Variants in INSR observed in about 807,000 individuals in gnomAD.
INSR encodes insulin receptor, also known as IR.
A neutral mutation model predicts 142.6 loss-of-function variants in INSR; 67 were observed. The ratio of observed to expected loss-of-function variants is 0.47; its 90% CI spans 0.39 to 0.58. The LOEUF is 0.58. Ranked by LOEUF, INSR falls within the 20% of genes least tolerant of loss-of-function variation. INSR has a pLI of 0.00. For synonymous variants in INSR, 756 were observed against 743.1 expected, an observed-to-expected ratio of 1.02 and a Z score of -0.28; for missense variants, 1,248 against 1,833.2, an observed-to-expected ratio of 0.68 and a Z score of 5.83.
At chr19:7,279,412 A>G (rs369902187) in intron 1 of INSR, among the ~76,000 whole-genome samples, 2 of 151,562 alleles carry the variant, frequency 1.3e-5, no homozygotes, top group Admixed American at 1.3e-4. Context: ...AGTTTGTGTG[A>G]ACAGGACTTC....
At chr19:7,238,305 CT>C (rs1472648246) in intron 2 of INSR, among the ~76,000 whole-genome samples, 5 of 152,072 alleles carry the variant, frequency 3.3e-5, no homozygotes, top group Non-Finnish European at 5.9e-5. Flanking sequence ...AGGAGATGGA[CT>C]TTCCATTGAT....
intron 9 of INSR, among the ~76,000 whole-genome samples, chr19:7,158,004 G>GA (rs943405253): frequency 1.1e-4 from 17 of 148,048 alleles, no homozygotes; most frequent in East Asian, 7.9e-4. Context: ...ATTACAGATG[G>GA]AAAAAAAAAT....
Position 7,253,111 on chromosome 19 carries a change from C to CAAAA in INSR, c.652+14230_652+14233dup, listed in dbSNP as rs534566042. On this transcript the variant is annotated intron_variant, in intron 2 of 21. Coordinates refer to ENST00000302850, the MANE Select transcript of INSR (RefSeq NM_000208.4). ...GCCTGGTGACAGAGTGAGACTCCGC[C>CAAAA]AAAAAAAAAAAATAGAAGAAGCCAC... Among the ~76,000 whole-genome samples the CAAAA allele has an allele frequency of 2.1e-3, 290 of 136,816 alleles. 2 individuals are homozygous for CAAAA. The East Asian group carries it at 0.044, about 21-fold the overall frequency. 89.8% of individuals were successfully genotyped at this position (136,816 alleles called of 152,430 possible). A position where few individuals can be genotyped will look rare whatever the true frequency, so the allele number is the denominator to read the frequency against.
intron 2 of INSR, among the ~76,000 whole-genome samples, chr19:7,254,427 G>A (rs962332781): frequency 1.2e-4 from 19 of 152,150 alleles, no homozygotes; most frequent in Admixed American, 9.2e-4. Context: ...TACTGGCCAG[G>A]CTGAGGCTGG....
chr19:7,249,947 G>A (rs761984044), intron 2 of INSR, among the ~76,000 whole-genome samples: 84 of 151,700 alleles, frequency 5.5e-4, no homozygotes, highest in Admixed American at 1.2e-3. Flanking sequence ...AGCTGAGATC[G>A]CACCACTGCA....
intron 2 of INSR, among the ~76,000 whole-genome samples, chr19:7,189,688 G>A (rs990381677): frequency 1.4e-5 from 2 of 145,180 alleles, no homozygotes; most frequent in Non-Finnish European, 3.0e-5. Context: ...TTTTGAAACC[G>A]AGTCTTGCTC....
intron 17 of INSR, among the ~76,000 whole-genome samples, chr19:7,124,389 A>G (rs1269274929): frequency 7.1e-6 from 1 of 141,774 alleles, no homozygotes; most frequent in Non-Finnish European, 1.5e-5. Flanking sequence ...AAAAAAAACA[A>G]TCAGCCAGGC....
In INSR at chr19:7,154,903, G is replaced by A. The variant is rs114212608; in HGVS notation, c.2030-1976C>T. On this transcript the variant is annotated intron_variant, in intron 9 of 21. Transcript: ENST00000302850. ...TGAGCCATTGCACTCCAGCCTAGGC[G>A]ACAACAGCGAGACTCTGTCTCAAAA... Among the ~76,000 whole-genome samples, 1,264 of 152,014 alleles carry A rather than the reference G, an allele frequency of 8.3e-3. 16 individuals are homozygous for A. Among genetic ancestry groups the A allele is most frequent in the African/African-American group, 0.028 (1,143 of 41,496 alleles).
chr19:7,195,931 C>CTTTTTTTTTT (rs903162924), intron 2 of INSR, among the ~76,000 whole-genome samples: 2 of 54,776 alleles, frequency 3.7e-5, no homozygotes, highest in African/African-American at 1.1e-4. Flanking sequence ...TCTTTTCTTT[C>CTTTTTTTTTT]TTTTTTTTTT....
intron 9 of INSR, among the ~76,000 whole-genome samples, chr19:7,153,995 T>C (rs138709925): frequency 6.6e-5 from 10 of 152,078 alleles, no homozygotes; most frequent in African/African-American, 2.4e-4. Context: ...ACCCCGTCTT[T>C]ACTAAAAATA....
chr19:7,240,634 T>C (rs1422908136), intron 2 of INSR, among the ~76,000 whole-genome samples: 1 of 152,094 alleles, frequency 6.6e-6, no homozygotes, highest in Non-Finnish European at 1.5e-5. Flanking sequence ...TCCAAAATCT[T>C]AAATGCTCCA....
chr19:7,226,102 G>GAAAATTAA (rs1469529242), intron 2 of INSR, among the ~76,000 whole-genome samples: 1 of 152,188 alleles, frequency 6.6e-6, no homozygotes, highest in Non-Finnish European at 1.5e-5. Flanking sequence ...ACTAAAAAAG[G>GAAAATTAA]AAAATTAAAA....
chr19:7,191,667 A>G (rs1205364372), intron 2 of INSR, among the ~76,000 whole-genome samples: 1 of 152,090 alleles, frequency 6.6e-6, no homozygotes, highest in Non-Finnish European at 1.5e-5. Flanking sequence ...ACAAAAATAA[A>G]AAAATTAGCC....
chr19:7,276,834 G>A (rs1968075023), intron 1 of INSR, among the ~76,000 whole-genome samples: 1 of 152,074 alleles, frequency 6.6e-6, no homozygotes. Flanking sequence ...GGGTTCAAGC[G>A]ATTCTCCTGC....
At chr19:7,207,871 A>G (rs1279826372) in intron 2 of INSR, among the ~76,000 whole-genome samples, 1 of 122,296 alleles carries the variant, frequency 8.2e-6, no homozygotes, top group African/African-American at 2.9e-5. Context: ...TGGGTGATAG[A>G]GTGAGACCTT....
At chr19:7,185,897 G>T in intron 2 of INSR, among the ~76,000 whole-genome samples, 1 of 125,720 alleles carries the variant, frequency 8.0e-6, no homozygotes, top group Non-Finnish European at 1.6e-5. Context: ...AAGGAAGGAA[G>T]GAAGGAAAAA....
At chr19:7,264,780 C>T (rs1346412358) in intron 2 of INSR, among the ~76,000 whole-genome samples, 1 of 152,202 alleles carries the variant, frequency 6.6e-6, no homozygotes, top group Non-Finnish European at 1.5e-5. Flanking sequence ...CTACAATATT[C>T]TCAGGATTTT....
intron 9 of INSR, among the ~76,000 whole-genome samples, chr19:7,155,961 G>A (rs1568452520): frequency 6.8e-6 from 1 of 147,046 alleles, no homozygotes; most frequent in Non-Finnish European, 1.5e-5. Context: ...AGGAGAAGGA[G>A]CCAGGTCACA....
At chr19:7,153,366 C>G (rs117229485) in intron 9 of INSR, among the ~76,000 whole-genome samples, 4 of 1,978 alleles carry the variant, frequency 2.0e-3, no homozygotes, top group Non-Finnish European at 6.2e-3. Context: ...CACCACACAC[C>G]CCACACACAC....
Sources: allele counts gnomAD v4.1 joint callset (sites outside exome capture counted in the v4.1 genomes callset), GRCh38; gene constraint gnomAD v4.1.1; transcripts MANE v1.5; gene names NCBI Gene and HGNC (gene_info 2026-07-23, HGNC 2026-07-21).